Variants in RTN4IP1 observed in about 807,000 individuals in gnomAD.
RTN4IP1 encodes the protein NAD(P)H oxidoreductase RTN4IP1, mitochondrial.
Under a neutral mutation model 46.6 loss-of-function variants are expected in RTN4IP1, and 32 were observed. The observed-to-expected ratio is 0.69, with a 90% CI of 0.52 to 0.92. The LOEUF (loss-of-function observed/expected upper bound fraction) is 0.92, where lower values mean the gene tolerates loss of function less well. RTN4IP1 is among the 40% of genes least tolerant of loss of function. The pLI, the probability that RTN4IP1 is intolerant of heterozygous loss-of-function variation, is 0.00. For synonymous variants in RTN4IP1, 167 were observed against 161.8 expected, an observed-to-expected ratio of 1.03 and a Z score of -0.24; for missense variants, 424 against 485.8, an observed-to-expected ratio of 0.87 and a Z score of 1.20.
chr6:106,594,543 G>A (rs1775736943), intron 5 of RTN4IP1, among the ~76,000 whole-genome samples: 1 of 150,494 alleles, frequency 6.6e-6, no homozygotes, highest in Non-Finnish European at 1.5e-5. Flanking sequence ...AAGAAAGAAA[G>A]AAAACAGCTA....
chr6:106,604,546 G>C (rs989239425), intron 4 of RTN4IP1, among the ~76,000 whole-genome samples: 3 of 152,078 alleles, frequency 2.0e-5, no homozygotes, highest in Non-Finnish European at 4.4e-5. Context: ...GAAGTGCAAA[G>C]GGACGATTTC....
Position 106,625,908 on chromosome 6 carries a change from G to A in RTN4IP1, c.274+2840C>T, listed in dbSNP as rs144809145. Reference sequence around the variant, plus strand: ...TGATCTCAGGTGATCCACCTGCCTCGGCCTCCCAAAGTGCTGGAATTACAG... The same window carrying A: ...TGATCTCAGGTGATCCACCTGCCTCAGCCTCCCAAAGTGCTGGAATTACAG... On this transcript the variant is annotated intron_variant, in intron 1 of 8. Transcript: ENST00000369063. Among the ~76,000 whole-genome samples the A allele has an allele frequency of 3.3e-5, 5 of 152,002 alleles. No individual in the cohort carries two copies. In the East Asian group the frequency reaches 9.7e-4, roughly 29 times the overall value.
At chr6:106,613,038 T>G (rs1218807421) in intron 4 of RTN4IP1, among the ~76,000 whole-genome samples, 1 of 152,170 alleles carries the variant, frequency 6.6e-6, no homozygotes, top group African/African-American at 2.4e-5. Flanking sequence ...CGCCGAAACT[T>G]TATATGTAAC....
intron 4 of RTN4IP1, among the ~76,000 whole-genome samples, chr6:106,617,463 C>T (rs148628301): frequency 2.6e-5 from 4 of 152,178 alleles, no homozygotes; most frequent in Non-Finnish European, 4.4e-5. Context: ...CTCCTCAAAA[C>T]CTACACTGTC....
At chr6:106,620,690 C>T (rs1776465759) in intron 3 of RTN4IP1, among the ~76,000 whole-genome samples, 1 of 152,000 alleles carries the variant, frequency 6.6e-6, no homozygotes, top group Non-Finnish European at 1.5e-5. Context: ...TACCCTACTC[C>T]AAGATTATCC....
intron 1 of RTN4IP1, among the ~76,000 whole-genome samples, chr6:106,626,614 A>C (rs896492787): frequency 1.3e-5 from 2 of 152,216 alleles, no homozygotes; most frequent in African/African-American, 4.8e-5. Context: ...TAATGCTAAT[A>C]CATCAACTGA....
chr6:106,615,890 A>C (rs1256051724), intron 4 of RTN4IP1, among the ~76,000 whole-genome samples: 1 of 152,174 alleles, frequency 6.6e-6, no homozygotes, highest in African/African-American at 2.4e-5. Flanking sequence ...GGCTGATAAA[A>C]AGAAAATAAT....
At chr6:106,621,760 T>C (rs1776492117) in intron 2 of RTN4IP1, among the ~76,000 whole-genome samples, 2 of 152,200 alleles carry the variant, frequency 1.3e-5, no homozygotes, top group African/African-American at 4.8e-5. Flanking sequence ...CCACAATCTC[T>C]GGGGTCTGAG....
intron 5 of RTN4IP1, among the ~76,000 whole-genome samples, chr6:106,599,064 T>G (rs1187681758): frequency 6.6e-6 from 1 of 152,002 alleles, no homozygotes; most frequent in Non-Finnish European, 1.5e-5. Flanking sequence ...ATTATATTTT[T>G]AATGTCTTTT....
intron 6 of RTN4IP1, 151 bp downstream of exon 6, chr6:106,592,013 G>A: frequency 1.3e-6 from 1 of 754,278 alleles, no homozygotes; most frequent in Non-Finnish European, 2.1e-6. Context: ...TAAAACAGAA[G>A]CCAACCTAAG....
rs186808551 is a variant in RTN4IP1, at chr6:106,592,684, G to A, written c.670-384C>T. On this transcript the variant is annotated intron_variant, in intron 5 of 8. Transcript: ENST00000369063. Reference sequence around the variant, plus strand: ...CACGCCTGTAATCCCAGCACTTTGGGAGGCCGAGACAGGTGGATCACCTGA... The same window carrying A: ...CACGCCTGTAATCCCAGCACTTTGGAAGGCCGAGACAGGTGGATCACCTGA... 2.6e-5 allele frequency among the ~76,000 whole-genome samples: 4 copies of A among 152,304 alleles called. 1 individual carries two copies. The highest frequency in any genetic ancestry group is 9.6e-5 in the African/African-American group (4 of 41,554).
At chr6:106,619,690 C>A (rs1776438139) in intron 3 of RTN4IP1, among the ~76,000 whole-genome samples, 1 of 147,108 alleles carries the variant, frequency 6.8e-6, no homozygotes, top group South Asian at 2.1e-4. Context: ...CGGCTCACTG[C>A]AAGCTCCGCC....
chr6:106,584,179 T>G (rs1775431135), intron 7 of RTN4IP1, among the ~76,000 whole-genome samples: 1 of 152,216 alleles, frequency 6.6e-6, no homozygotes, highest in Admixed American at 6.5e-5. Context: ...TCTCAAGCAA[T>G]CCTCTCACCT....
At position 106,623,239 on chromosome 6, in the gene RTN4IP1, G is replaced by A. The variant is rs142924992; in HGVS notation, c.275-270C>T. ...ATACTATGCAGCCATAAAAAGGAAC[G>A]AGATCATGTCCTTTCCAAGGATATG... On this transcript the variant is annotated intron_variant, in intron 1 of 8. Coordinates refer to ENST00000369063, the MANE Select transcript of RTN4IP1 (RefSeq NM_032730.5). 2.4e-3 allele frequency among the ~76,000 whole-genome samples: 373 copies of A among 152,284 alleles called. 4 individuals are homozygous for A. Among genetic ancestry groups the A allele is most frequent in the African/African-American group, 8.5e-3 (354 of 41,554 alleles).
In RTN4IP1 at chr6:106,618,893, T is replaced by C. The variant is rs138231454; in HGVS notation, c.620+309A>G. 4.2e-3 allele frequency among the ~76,000 whole-genome samples: 641 copies of C among 152,266 alleles called. 22 individuals carry two copies. The highest frequency in any genetic ancestry group is 0.039 in the Admixed American group (598 of 15,294). Reference sequence around the variant, plus strand: ...TAGGAATTTCATTAAAAAAAAGATATGGATCTTCTTCCTAGAGAATCACAT... The same window carrying C: ...TAGGAATTTCATTAAAAAAAAGATACGGATCTTCTTCCTAGAGAATCACAT... On this transcript the variant is annotated intron_variant, in intron 4 of 8. Transcript: ENST00000369063.
intron 4 of RTN4IP1, among the ~76,000 whole-genome samples, chr6:106,617,721 T>G (rs1204339471): frequency 6.6e-6 from 1 of 152,204 alleles, no homozygotes; most frequent in African/African-American, 2.4e-5. Flanking sequence ...TTTTCTTATC[T>G]TCTAAATTGT....
At chr6:106,575,573 A>C (rs1376576804) in intron 8 of RTN4IP1, among the ~76,000 whole-genome samples, 1 of 152,172 alleles carries the variant, frequency 6.6e-6, no homozygotes, top group Non-Finnish European at 1.5e-5. Flanking sequence ...AAAACCTCTC[A>C]CTACTGCAAG....
At chr6:106,599,836 CTT>C (rs1358941422) in intron 5 of RTN4IP1, among the ~76,000 whole-genome samples, 2 of 117,112 alleles carry the variant, frequency 1.7e-5, no homozygotes, top group Admixed American at 1.0e-4. Flanking sequence ...TTGTGCTGTC[CTT>C]TTTTTTTTTT....
At chr6:106,614,821 C>T (rs1263290462) in intron 4 of RTN4IP1, among the ~76,000 whole-genome samples, 4 of 152,114 alleles carry the variant, frequency 2.6e-5, no homozygotes, top group African/African-American at 9.7e-5. Flanking sequence ...AGGCTAGAAG[C>T]TAGATTACAG....
Sources: gnomAD v4.1 joint callset for allele counts (sites outside exome capture counted in the v4.1 genomes callset) on GRCh38, gnomAD v4.1.1 for gene constraint, MANE v1.5 for transcripts, NCBI Gene and HGNC (gene_info 2026-07-23, HGNC 2026-07-21) for gene names.